Variants in ZNF730 observed in about 807,000 individuals in gnomAD.
The protein encoded by ZNF730 is putative zinc finger protein 730.
A neutral mutation model predicts 12.6 loss-of-function variants in ZNF730; 12 were observed. The observed-to-expected ratio is 0.95, with a 90% CI of 0.61 to 1.54. The LOEUF is 1.54. Among genes scored for constraint, ZNF730 ranks in the 40% most tolerant of loss-of-function variants. The pLI, the probability that ZNF730 is intolerant of heterozygous loss-of-function variation, is 0.00. For missense variants in ZNF730, 643 were observed against 583.5 expected, an observed-to-expected ratio of 1.10 and a Z score of -1.05; for synonymous variants, 194 against 195.8, an observed-to-expected ratio of 0.99 and a Z score of 0.08.
At chr19:23,138,595 A>G (rs1372357053) in intron 3 of ZNF730, among the ~76,000 whole-genome samples, 1 of 152,152 alleles carries the variant, frequency 6.6e-6, no homozygotes, top group East Asian at 1.9e-4. Flanking sequence ...TTGGGTGGAT[A>G]ATTTTCTGGT....
intron 1 of ZNF730, chr19:23,127,147 A>G: frequency 1.9e-6 from 1 of 520,140 alleles, no homozygotes; most frequent in Non-Finnish European, 3.7e-6. Flanking sequence ...ATATTCTAAA[A>G]GAAATGTTTG....
Position 23,138,269 on chromosome 19 carries a change from C to T in ZNF730, c.226+2226C>T, listed in dbSNP as rs1384707364. Among the ~76,000 whole-genome samples, 3 of 11,626 alleles carry T rather than the reference C, an allele frequency of 2.6e-4. 1 individual carries two copies. Among genetic ancestry groups the T allele is most frequent in the African/African-American group, 5.1e-4 (3 of 5,862 alleles). The allele number at this position is 11,626 out of a possible 152,430, so 7.6% of individuals were successfully genotyped here. A position where few individuals can be genotyped will look rare whatever the true frequency, so the allele number is the denominator to read the frequency against. On this transcript the variant is annotated intron_variant, in intron 3 of 3. Transcript: ENST00000597761. Reference sequence around the variant, plus strand: ...CTGCACTCCAGCCTGGGCGACAGAGCGAGACTCCGTCTCAAAAAAAAAAAA... The same window carrying T: ...CTGCACTCCAGCCTGGGCGACAGAGTGAGACTCCGTCTCAAAAAAAAAAAA...
chr19:23,135,221 T>TTA (rs1970810521), intron 2 of ZNF730, among the ~76,000 whole-genome samples: 2 of 38,820 alleles, frequency 5.2e-5, no homozygotes, highest in African/African-American at 1.8e-4. Flanking sequence ...GAATGATCAA[T>TTA]AAAAAAAAAA....
intron 3 of ZNF730, among the ~76,000 whole-genome samples, chr19:23,137,832 T>C (rs572230599): frequency 8.5e-5 from 13 of 152,344 alleles, no homozygotes; most frequent in Admixed American, 6.5e-4. Context: ...CCAACTTTAG[T>C]TGACTTGTTA....
intron 1 of ZNF730, among the ~76,000 whole-genome samples, chr19:23,096,427 A>G (rs1042108977): frequency 2.0e-5 from 3 of 152,106 alleles, no homozygotes; most frequent in Admixed American, 6.5e-5. Context: ...ATTATAAGAT[A>G]TCTTTCTATT....
intron 1 of ZNF730, among the ~76,000 whole-genome samples, chr19:23,129,755 AG>A (rs1372752132): frequency 6.6e-6 from 1 of 151,984 alleles, no homozygotes; most frequent in Non-Finnish European, 1.5e-5. Context: ...GCACTTTGGG[AG>A]GCCGAGACGG....
rs903110397 is a variant in ZNF730 at position 23,117,187 on chromosome 19, C to T, written c.3+11C>T. On this transcript the variant is annotated intron_variant, in intron 1 of 3. Coordinates refer to ENST00000597761, the MANE Select transcript of ZNF730 (RefSeq NM_001277403.2). The stretch of plus-strand genomic sequence containing the variant: ...GGAAGCCTAGAAATGGTGAGAGTGC[C>T]GGTCCGACATCCCGAGAGAGGGAAC... 8.1e-6 allele frequency: 13 copies of T among 1,613,786 alleles called. No individual in the cohort carries two copies. In the African/African-American group the frequency reaches 1.5e-4, roughly 18 times the overall value.
At chr19:23,127,209 A>T in intron 1 of ZNF730, 1 of 599,946 alleles carries the variant, frequency 1.7e-6, no homozygotes. Flanking sequence ...TAATTACTCC[A>T]TCTGCTGATT....
Position 23,145,322 on chromosome 19 carries a change from A to G in ZNF730, c.278A>G (p.Asp93Gly), listed in dbSNP as rs1328329636. ...QDLWPEQGIK[D>G]YFQEVILRQY... ...CTTTGGCCAGAGCAAGGCATAAAAG[A>G]TTATTTCCAAGAAGTCATACTGAGA... The change falls in exon 4 of 4, where the codon GAT becomes GGT. Residue 93 changes from aspartate (D) to glycine (G), a missense_variant. Transcript: ENST00000597761. 1 of 1,589,804 alleles carries G rather than the reference A, an allele frequency of 6.3e-7. No homozygotes were observed. Among genetic ancestry groups the G allele is most frequent in the Non-Finnish European group, 8.5e-7 (1 of 1,171,012 alleles).
intron 1 of ZNF730, chr19:23,100,105 G>C (rs1970312595): frequency 6.6e-6 from 1 of 152,074 alleles, no homozygotes; most frequent in Admixed American, 6.6e-5. Flanking sequence ...CTTCATCCTG[G>C]ACCCTGTCTA....
chr19:23,119,216 A>G (rs1970569008), intron 1 of ZNF730, among the ~76,000 whole-genome samples: 1 of 152,212 alleles, frequency 6.6e-6, no homozygotes, highest in African/African-American at 2.4e-5. Context: ...TTTGCCTTCA[A>G]TGCCAAGTTT....
At chr19:23,102,900 C>T (rs555692298) in intron 1 of ZNF730, among the ~76,000 whole-genome samples, 5 of 152,224 alleles carry the variant, frequency 3.3e-5, no homozygotes, top group East Asian at 1.9e-4. Context: ...TCTTCTTGTA[C>T]GAAGGTCCTA....
intron 3 of ZNF730, among the ~76,000 whole-genome samples, chr19:23,140,934 A>G (rs1168201943): frequency 6.6e-6 from 1 of 152,022 alleles, no homozygotes; most frequent in East Asian, 1.9e-4. Context: ...CCTGGGTGAC[A>G]GAGCGAGATT....
At chr19:23,124,273 A>C (rs1032820084) in intron 1 of ZNF730, among the ~76,000 whole-genome samples, 1 of 152,208 alleles carries the variant, frequency 6.6e-6, no homozygotes, top group African/African-American at 2.4e-5. Flanking sequence ...TCCGAGAGTA[A>C]ATAGAATCTG....
intron 1 of ZNF730, among the ~76,000 whole-genome samples, chr19:23,109,866 AATCTAATTT>A (rs1348405185): frequency 1.3e-5 from 2 of 150,292 alleles, no homozygotes; most frequent in Non-Finnish European, 3.0e-5. Flanking sequence ...AATTTCTAAA[AATCTAATTT>A]ATCTGAGTAT....
At chr19:23,136,910 C>T (rs1457584659) in intron 3 of ZNF730, among the ~76,000 whole-genome samples, 1 of 152,186 alleles carries the variant, frequency 6.6e-6, no homozygotes, top group Non-Finnish European at 1.5e-5. Flanking sequence ...GTGGCTCACA[C>T]CTGTAATCCC....
At position 23,088,608 on chromosome 19, in the gene ZNF730, C is replaced by T. The variant is rs1304972006; in HGVS notation, c.-94+13221C>T. ...CCTCCCGAGTAGCTGGGACTACAGG[C>T]GTGTGCTACCACGCCTGGCTAATTT... is the stretch of plus-strand genomic sequence containing the variant. On this transcript the variant is annotated intron_variant, in intron 1 of 2. Transcript: ENST00000593635. Among the ~76,000 whole-genome samples, 3 of 150,972 alleles carry T rather than the reference C, an allele frequency of 2.0e-5. No individual in the cohort carries two copies. The East Asian group carries it at 6.0e-4, about 30-fold the overall frequency.
At chr19:23,131,931 G>A (rs1044706942) in intron 1 of ZNF730, among the ~76,000 whole-genome samples, 1 of 152,174 alleles carries the variant, frequency 6.6e-6, no homozygotes, top group African/African-American at 2.4e-5. Flanking sequence ...ATTTATGATA[G>A]TTAAGTCTCA....
chr19:23,118,692 G>A (rs549306024), intron 1 of ZNF730, among the ~76,000 whole-genome samples: 3 of 152,252 alleles, frequency 2.0e-5, no homozygotes, highest in East Asian at 1.9e-4. Context: ...GACACATTGC[G>A]GGTCAGCCAA....
Sources: gnomAD v4.1 joint callset for allele counts (sites outside exome capture counted in the v4.1 genomes callset) on GRCh38, gnomAD v4.1.1 for gene constraint, MANE v1.5 for transcripts, NCBI Gene and HGNC (gene_info 2026-07-23, HGNC 2026-07-21) for gene names.